RALYL: variants seen among roughly 807,000 people sequenced by gnomAD.
RALYL encodes the protein RALY RNA binding protein like.
A neutral mutation model predicts 35.1 loss-of-function variants in RALYL; 29 were observed. The observed-to-expected ratio is 0.83, with a 90% confidence interval of 0.61 to 1.13. RALYL has a LOEUF of 1.13. Among genes scored for constraint, RALYL ranks in the 50% most tolerant of loss-of-function variants. RALYL has a pLI of 0.00. For synonymous variants in RALYL, 120 were observed against 127.6 expected (o/e 0.94, Z 0.40); for missense variants, 359 against 360.4 (o/e 1.00, Z 0.03).
chr8:84,472,112 A>G (rs917775273), intron 1 of RALYL, among the ~76,000 whole-genome samples: 7 of 152,184 alleles, frequency 4.6e-5, no homozygotes, highest in Admixed American at 2.0e-4. Flanking sequence ...AGGATGGGCT[A>G]ATTTCTCATC....
intron 1 of RALYL, among the ~76,000 whole-genome samples, chr8:84,524,532 A>G (rs2058728508): frequency 6.6e-6 from 1 of 152,098 alleles, no homozygotes; most frequent in Non-Finnish European, 1.5e-5. Context: ...TGTCTTAGTG[A>G]CTCTATCATT....
At chr8:84,517,423 T>C (rs998802868) in intron 1 of RALYL, among the ~76,000 whole-genome samples, 1 of 152,198 alleles carries the variant, frequency 6.6e-6, no homozygotes, top group East Asian at 1.9e-4. Flanking sequence ...AAGGCTGTTA[T>C]ATGTCATTTG....
At chr8:84,297,156 G>A (rs73294894) in intron 1 of RALYL, among the ~76,000 whole-genome samples, 1,908 of 152,012 alleles carry the variant, frequency 0.013, 56 homozygotes, top group African/African-American at 0.043. Flanking sequence ...TCATCACCCA[G>A]ATGATGAGCA....
chr8:84,271,275 C>G (rs927332707), intron 1 of RALYL, among the ~76,000 whole-genome samples: 1 of 151,502 alleles, frequency 6.6e-6, no homozygotes, highest in Non-Finnish European at 1.5e-5. Flanking sequence ...AAATGGCAAA[C>G]AAGCACATAA....
At chr8:84,519,959 G>C (rs370600519) in intron 1 of RALYL, among the ~76,000 whole-genome samples, 5 of 152,168 alleles carry the variant, frequency 3.3e-5, no homozygotes, top group African/African-American at 1.2e-4. Context: ...GTGACACAGG[G>C]TTGCATCTGT....
At chr8:84,199,829 T>A (rs746041767) in intron 1 of RALYL, among the ~76,000 whole-genome samples, 11 of 152,138 alleles carry the variant, frequency 7.2e-5, no homozygotes, top group Non-Finnish European at 2.9e-5. Flanking sequence ...TATTTCTGAG[T>A]TCTCTATGCT....
At chr8:84,263,553 A>C (rs1464108827) in intron 1 of RALYL, among the ~76,000 whole-genome samples, 1 of 152,292 alleles carries the variant, frequency 6.6e-6, no homozygotes, top group South Asian at 2.1e-4. Context: ...TGTTAACCAA[A>C]GGTTAATCTA....
At chr8:84,416,206 T>G (rs1460303899) in intron 1 of RALYL, among the ~76,000 whole-genome samples, 1 of 152,210 alleles carries the variant, frequency 6.6e-6, no homozygotes, top group African/African-American at 2.4e-5. Flanking sequence ...CAGATGCAAT[T>G]CTAAAAGCTG....
At chr8:84,364,858 A>G (rs2131320058) in intron 1 of RALYL, among the ~76,000 whole-genome samples, 1 of 152,302 alleles carries the variant, frequency 6.6e-6, no homozygotes, top group South Asian at 2.1e-4. Context: ...ACACATTTTA[A>G]GAGAAAGGAA....
At chr8:84,507,065 C>T (rs2057229836) in intron 1 of RALYL, among the ~76,000 whole-genome samples, 1 of 151,928 alleles carries the variant, frequency 6.6e-6, no homozygotes, top group African/African-American at 2.4e-5. Context: ...TTTTATTGAC[C>T]TGGTAAATTG....
chr8:84,535,772 C>T (rs117428551), intron 2 of RALYL, among the ~76,000 whole-genome samples: 4,708 of 151,936 alleles, frequency 0.031, 120 homozygotes, highest in Middle Eastern at 0.045. Context: ...CGCGCCCGGC[C>T]GCATCCCTGA....
chr8:84,592,389 T>C (rs189034405), intron 2 of RALYL, among the ~76,000 whole-genome samples: 26 of 152,288 alleles, frequency 1.7e-4, no homozygotes, highest in Non-Finnish European at 3.1e-4. Context: ...TTTTCTTTGC[T>C]TTCTTTCTTT....
intron 3 of RALYL, among the ~76,000 whole-genome samples, chr8:84,798,001 C>T (rs1195467381): frequency 6.6e-6 from 1 of 152,156 alleles, no homozygotes; most frequent in Non-Finnish European, 1.5e-5. Context: ...AGATCTTCTG[C>T]CCCCTTCTGA....
intron 6 of RALYL, among the ~76,000 whole-genome samples, chr8:84,870,189 T>C (rs1270855893): frequency 1.3e-5 from 2 of 152,108 alleles, no homozygotes; most frequent in Non-Finnish European, 1.5e-5. Context: ...TAATCACTCA[T>C]AGAAAAATAA....
intron 3 of RALYL, among the ~76,000 whole-genome samples, chr8:84,788,525 G>A (rs1267432104): frequency 4.6e-5 from 7 of 152,206 alleles, no homozygotes; most frequent in Non-Finnish European, 2.9e-5. Flanking sequence ...AATAGTGAAG[G>A]TTTTGGGAGG....
chr8:84,520,942 C>A (rs138649086), intron 1 of RALYL, among the ~76,000 whole-genome samples: 10 of 152,268 alleles, frequency 6.6e-5, no homozygotes, highest in African/African-American at 2.4e-4. Flanking sequence ...TAGCAACAAT[C>A]ACATTGCCTC....
At chr8:84,727,281 G>C (rs1589223917) in intron 2 of RALYL, among the ~76,000 whole-genome samples, 1 of 151,936 alleles carries the variant, frequency 6.6e-6, no homozygotes, top group South Asian at 2.1e-4. Flanking sequence ...CATCATCTTA[G>C]CTGATCTTCA....
At chr8:84,205,517 AG>A (rs1264706348) in intron 1 of RALYL, among the ~76,000 whole-genome samples, 1 of 152,198 alleles carries the variant, frequency 6.6e-6, no homozygotes, top group Non-Finnish European at 1.5e-5. Context: ...GCAAAGGGAA[AG>A]CCACTGTAGC....
At chr8:84,710,253 T>C (rs573068236) in intron 2 of RALYL, among the ~76,000 whole-genome samples, 1 of 151,836 alleles carries the variant, frequency 6.6e-6, no homozygotes, top group African/African-American at 2.4e-5. Flanking sequence ...CTAAGTCAAA[T>C]TGCTCTTTCC....
Sources: gnomAD v4.1 joint callset for allele counts (sites outside exome capture counted in the v4.1 genomes callset) on GRCh38, gnomAD v4.1.1 for gene constraint, MANE v1.5 for transcripts, NCBI Gene and HGNC (gene_info 2026-07-23, HGNC 2026-07-21) for gene names.